Variants in MTRES1 observed in about 807,000 individuals in gnomAD.
MTRES1 encodes the protein uncharacterized protein C6orf203.
Under a neutral mutation model 17.4 loss-of-function variants are expected in MTRES1, and 11 were observed. That is an observed-to-expected ratio of 0.63 (90% CI 0.40 to 1.05). The LOEUF is 1.05. Among genes scored for constraint, MTRES1 ranks in the 50% least tolerant of loss-of-function variants. The pLI is 0.00. For synonymous variants in MTRES1, 94 were observed against 99.6 expected, an observed-to-expected ratio of 0.94 and a Z score of 0.34; for missense variants, 268 against 276.2, an observed-to-expected ratio of 0.97 and a Z score of 0.21.
intron 2 of MTRES1, among the ~76,000 whole-genome samples, chr6:107,042,339 C>CAAAAAA (rs58406771): frequency 2.0e-5 from 2 of 98,700 alleles, no homozygotes; most frequent in East Asian, 3.0e-4. Flanking sequence ...GACTCCGTCT[C>CAAAAAA]AAAAAAAAAA....
chr6:107,045,464 A>G (rs1255234359), intron 3 of MTRES1, among the ~76,000 whole-genome samples: 2 of 148,236 alleles, frequency 1.3e-5, no homozygotes, highest in Non-Finnish European at 3.0e-5. Flanking sequence ...AGCCTGGGCG[A>G]CAGAGCGAGA....
At chr6:107,029,914 C>A in intron 1 of MTRES1, 1 of 607,128 alleles carries the variant, frequency 1.6e-6, no homozygotes, top group South Asian at 2.0e-5. Context: ...CTCATCTTGC[C>A]CTCTCAATCC....
At chr6:107,038,481 T>C (rs1054612332) in intron 1 of MTRES1, among the ~76,000 whole-genome samples, 29 of 152,200 alleles carry the variant, frequency 1.9e-4, no homozygotes, top group African/African-American at 7.0e-4. Context: ...CAAGCACTTG[T>C]TGCAGTTCCC....
intron 2 of MTRES1, among the ~76,000 whole-genome samples, chr6:107,041,372 A>G (rs113186302): frequency 0.71 from 107,538 of 151,636 alleles, 38,886 homozygotes; most frequent in Non-Finnish European, 0.77. Flanking sequence ...CCTAGTTTAG[A>G]GAGTGGTTGC....
chr6:107,032,833 T>G (rs1016265350), intron 1 of MTRES1, among the ~76,000 whole-genome samples: 1 of 152,182 alleles, frequency 6.6e-6, no homozygotes. Flanking sequence ...TAACTTGATA[T>G]TTCCCCATAG....
rs149941974 is a variant in MTRES1 at position 107,040,155 on chromosome 6, A to G, written c.395A>G (p.Tyr132Cys). 94 of 1,613,280 alleles carry G rather than the reference A, an allele frequency of 5.8e-5. No homozygotes were observed. In the African/African-American group the frequency reaches 1.1e-3, roughly 19 times the overall value. The change falls in exon 2 of 4, where the codon TAT becomes TGT. Residue 132 changes from tyrosine (Y) to cysteine (C), a missense_variant. Coordinates refer to ENST00000311381, the MANE Select transcript of MTRES1 (RefSeq NM_016487.5). ...LEDDPTVVKNYKDLEKAVQSF... is the reference protein window; with the variant it reads ...LEDDPTVVKNCKDLEKAVQSF... The stretch of plus-strand genomic sequence containing the variant: ...GATGATCCTACTGTAGTCAAAAACT[A>G]TAAAGACCTGGAAAAAGCAGTTCAG...
At chr6:107,048,616 C>G (rs1554228729) in intron 3 of MTRES1, among the ~76,000 whole-genome samples, 1 of 151,194 alleles carries the variant, frequency 6.6e-6, no homozygotes, top group African/African-American at 2.4e-5. Context: ...CCTGTCTCTA[C>G]TAAAAATACA....
intron 1 of MTRES1, among the ~76,000 whole-genome samples, chr6:107,031,236 C>T (rs1046961409): frequency 6.6e-5 from 10 of 151,224 alleles, no homozygotes; most frequent in Non-Finnish European, 1.5e-4. Flanking sequence ...AAAAAGTGGC[C>T]GGGTGTGGTG....
intron 1 of MTRES1, among the ~76,000 whole-genome samples, chr6:107,031,896 C>T (rs1038234370): frequency 2.6e-5 from 4 of 152,092 alleles, no homozygotes; most frequent in Non-Finnish European, 4.4e-5. Context: ...CCACCGTGTC[C>T]GGCCAGCAGA....
intron 1 of MTRES1, among the ~76,000 whole-genome samples, chr6:107,034,593 A>G (rs1273600209): frequency 6.6e-6 from 1 of 152,234 alleles, no homozygotes; most frequent in African/African-American, 2.4e-5. Flanking sequence ...TTTGAAGAGT[A>G]TCTGTGTGAC....
chr6:107,044,235 A>C, intron 2 of MTRES1, 25 bp from the exon 3 acceptor site: 2 of 1,601,620 alleles, frequency 1.2e-6, no homozygotes, highest in African/African-American at 1.3e-5. Flanking sequence ...AATTGTGTAC[A>C]TTGTTGCTTT....
chr6:107,050,947 T>C (rs990531898), intron 3 of MTRES1, 110 bp from the exon 4 acceptor site: 23 of 867,008 alleles, frequency 2.7e-5, no homozygotes, highest in Non-Finnish European at 3.7e-5. Flanking sequence ...TTTACTCACC[T>C]GCCCCTCCTC....
At chr6:107,034,927 C>T (rs1326393402) in intron 1 of MTRES1, among the ~76,000 whole-genome samples, 8 of 150,374 alleles carry the variant, frequency 5.3e-5, no homozygotes, top group African/African-American at 2.0e-4. Flanking sequence ...GCGGAGGTTG[C>T]AGTGAACCGA....
chr6:107,039,937 T>G lies in MTRES1; in HGVS notation c.177T>G (p.Phe59Leu), dbSNP rs1554227428. The change falls in exon 2 of 4, where the codon TTT becomes TTG. Residue 59 changes from phenylalanine (F) to leucine (L), a missense_variant. Transcript: ENST00000311381. ...GTGCACCAAATTATAAAACACTTTTTTATAATATTTTCTCACTGAGACTCC... is the reference window on the plus strand; with the variant it reads ...GTGCACCAAATTATAAAACACTTTTGTATAATATTTTCTCACTGAGACTCC... The part of the protein sequence containing the change: ...KLRAPNYKTL[F>L]YNIFSLRLPG... 6.2e-7 allele frequency: 1 copy of G among 1,613,914 alleles called. No individual in the cohort carries two copies. Among genetic ancestry groups the G allele is most frequent in the Admixed American group, 1.7e-5 (1 of 60,012 alleles).
At chr6:107,038,240 A>G (rs1774075119) in intron 1 of MTRES1, among the ~76,000 whole-genome samples, 1 of 152,210 alleles carries the variant, frequency 6.6e-6, no homozygotes, top group East Asian at 1.9e-4. Flanking sequence ...AGCCATAATC[A>G]GAGGTATCAA....
At chr6:107,050,551 C>CTTTTTTTTTTTTTTTTTT (rs142268482) in intron 3 of MTRES1, among the ~76,000 whole-genome samples, 2 of 81,516 alleles carry the variant, frequency 2.5e-5, no homozygotes, top group South Asian at 5.3e-4. Context: ...CTCTCCCTTT[C>CTTTTTTTTTTTTTTTTTT]TTTTTTTTTT....
intron 2 of MTRES1, 58 bp from the exon 3 acceptor site, chr6:107,044,202 G>A: frequency 1.7e-6 from 2 of 1,205,518 alleles, no homozygotes; most frequent in Non-Finnish European, 2.5e-6. Flanking sequence ...ATGAAGTCTG[G>A]GCTTGAGTGT....
Position 107,049,862 on chromosome 6 carries a change from C to G in MTRES1, c.544-1195C>G, listed in dbSNP as rs1489477047. ...TCAGCCTCTCAAGTAGCTGGGATTA[C>G]AGGTGTGTGCCACCATGCTCAGCTA... On this transcript the variant is annotated intron_variant, in intron 3 of 3. Transcript: ENST00000311381. 3.3e-5 allele frequency among the ~76,000 whole-genome samples: 5 copies of G among 151,990 alleles called. No individual in the cohort carries two copies. In the East Asian group the frequency reaches 7.8e-4, roughly 24 times the overall value.
chr6:107,049,101 G>A (rs937113334), intron 3 of MTRES1, among the ~76,000 whole-genome samples: 5 of 152,186 alleles, frequency 3.3e-5, no homozygotes, highest in Admixed American at 1.3e-4. Context: ...GAGTGGGTGG[G>A]AGAATAGACA....
Sources: gnomAD v4.1 joint callset for allele counts (sites outside exome capture counted in the v4.1 genomes callset) on GRCh38, gnomAD v4.1.1 for gene constraint, MANE v1.5 for transcripts, NCBI Gene and HGNC (gene_info 2026-07-23, HGNC 2026-07-21) for gene names.